Variants in DACH2 observed in about 807,000 individuals in gnomAD.
The protein encoded by DACH2 is dachshund homolog 2.
A neutral mutation model predicts 35.8 loss-of-function variants in DACH2; 17 were observed. That is an observed-to-expected ratio of 0.48 (90% CI 0.33 to 0.71). The LOEUF is 0.71. Ranked by LOEUF, DACH2 falls within the 30% of genes least tolerant of loss-of-function variation. The pLI is 0.02. For synonymous variants in DACH2, 195 were observed against 177.3 expected (o/e 1.10, Z -0.79); for missense variants, 469 against 472.7 (o/e 0.99, Z 0.07).
chrX:86,419,779 T>C (rs2036771740), intron 2 of DACH2, among the ~76,000 whole-genome samples: 1 of 111,923 alleles, frequency 8.9e-6, no homozygotes, highest in Non-Finnish European at 1.9e-5. Flanking sequence ...CTTTTGTAGG[T>C]AATGTCCTGA....
intron 4 of DACH2, among the ~76,000 whole-genome samples, chrX:86,654,187 T>TA (rs764775335): frequency 0.24 from 9,790 of 40,384 alleles, 2,286 homozygotes; most frequent in Non-Finnish European, 0.36. Context: ...ACATTTTTAG[T>TA]AAAAAAAAAA....
intron 3 of DACH2, among the ~76,000 whole-genome samples, chrX:86,557,280 A>T (rs1374448097): frequency 9.0e-6 from 1 of 111,472 alleles, no homozygotes; most frequent in Non-Finnish European, 1.9e-5. Context: ...TTTATCAGCT[A>T]TCTGTGTATT....
chrX:86,204,902 T>C (rs748043468), intron 1 of DACH2, among the ~76,000 whole-genome samples: 1 of 111,431 alleles, frequency 9.0e-6, no homozygotes, highest in African/African-American at 3.3e-5. Context: ...TTGGTTATAG[T>C]TTTGTCTCCC....
At chrX:86,417,454 G>T (rs1204034096) in intron 2 of DACH2, among the ~76,000 whole-genome samples, 1 of 111,755 alleles carries the variant, frequency 8.9e-6, no homozygotes, top group Non-Finnish European at 1.9e-5. Flanking sequence ...CACAATAATG[G>T]CAGAAGACAA....
chrX:86,630,515 A>G (rs1216934428), intron 3 of DACH2, among the ~76,000 whole-genome samples: 3 of 110,183 alleles, frequency 2.7e-5, no homozygotes, highest in African/African-American at 9.9e-5. Context: ...TTGGCCTGGG[A>G]AGTTTCTCAC....
chrX:86,267,985 C>T (rs1217311810), intron 1 of DACH2, among the ~76,000 whole-genome samples: 1 of 111,965 alleles, frequency 8.9e-6, no homozygotes, highest in Non-Finnish European at 1.9e-5. Context: ...AATTCTGACA[C>T]TATGTGCTAA....
At chrX:86,450,443 G>A (rs1175293483) in intron 2 of DACH2, among the ~76,000 whole-genome samples, 1 of 111,410 alleles carries the variant, frequency 9.0e-6, no homozygotes, top group African/African-American at 3.3e-5. Context: ...TGGTGCATAT[G>A]TAGCACATTT....
intron 1 of DACH2, among the ~76,000 whole-genome samples, chrX:86,372,290 A>C (rs2035899100): frequency 9.0e-6 from 1 of 110,981 alleles, no homozygotes; most frequent in Non-Finnish European, 1.9e-5. Flanking sequence ...TTTTAAGTAG[A>C]CAGATGATTT....
intron 2 of DACH2, among the ~76,000 whole-genome samples, chrX:86,507,140 A>C (rs1444655711): frequency 8.9e-6 from 1 of 111,762 alleles, no homozygotes; most frequent in Non-Finnish European, 1.9e-5. Flanking sequence ...CATAGAGACT[A>C]ATGCAGGCAG....
chrX:86,720,927 C>G (rs1481702588), intron 6 of DACH2, among the ~76,000 whole-genome samples: 1 of 112,667 alleles, frequency 8.9e-6, no homozygotes, highest in Non-Finnish European at 1.9e-5. Flanking sequence ...TTCTGCACAC[C>G]TGCAGGCCTA....
intron 1 of DACH2, among the ~76,000 whole-genome samples, chrX:86,349,621 T>A (rs2035559315): frequency 1.8e-5 from 2 of 112,359 alleles, no homozygotes; most frequent in Admixed American, 9.4e-5. Flanking sequence ...ATTAACGTAT[T>A]AACGTTGGTT....
intron 5 of DACH2, among the ~76,000 whole-genome samples, chrX:86,699,737 T>A (rs1260281017): frequency 8.9e-6 from 1 of 111,904 alleles, no homozygotes; most frequent in East Asian, 2.8e-4. Flanking sequence ...TTTTGTCTTC[T>A]GACATGTTTG....
intron 3 of DACH2, among the ~76,000 whole-genome samples, chrX:86,609,645 T>C (rs1302922764): frequency 1.8e-5 from 2 of 112,119 alleles, no homozygotes; most frequent in African/African-American, 6.5e-5. Context: ...TTGGGCTTTG[T>C]GATTTAAGTT....
intron 2 of DACH2, among the ~76,000 whole-genome samples, chrX:86,411,492 AAATGAAGACAAT>A (rs1348206013): frequency 4.7e-4 from 52 of 111,005 alleles, no homozygotes; most frequent in African/African-American, 1.7e-3. Flanking sequence ...CATAATCTTC[AAATGAAGACAAT>A]AATGAGGTCA....
At chrX:86,320,356 G>C (rs1198398025) in intron 1 of DACH2, among the ~76,000 whole-genome samples, 4 of 112,153 alleles carry the variant, frequency 3.6e-5, no homozygotes, top group African/African-American at 1.3e-4. Flanking sequence ...CCATTACAGA[G>C]AATGTAAACA....
intron 3 of DACH2, among the ~76,000 whole-genome samples, chrX:86,587,418 T>C (rs2039588203): frequency 9.0e-6 from 1 of 111,578 alleles, no homozygotes; most frequent in African/African-American, 3.2e-5. Flanking sequence ...TTCTTCTGCC[T>C]GATTGCTCTG....
intron 4 of DACH2, among the ~76,000 whole-genome samples, chrX:86,673,335 CAAAAAAAAAAAAA>C (rs56877612): frequency 1.9e-4 from 8 of 43,197 alleles, no homozygotes; most frequent in Non-Finnish European, 2.7e-4. Context: ...GACTCCGTCT[CAAAAAAAAAAAAA>C]AAAAAAAAAA....
At chrX:86,752,205 A>C (rs2041780889) in intron 7 of DACH2, among the ~76,000 whole-genome samples, 1 of 111,256 alleles carries the variant, frequency 9.0e-6, no homozygotes, top group South Asian at 3.8e-4. Context: ...TTAACCTATA[A>C]TAAAATTTGA....
chrX:86,372,275 C>A (rs2035898534), intron 1 of DACH2, among the ~76,000 whole-genome samples: 1 of 110,516 alleles, frequency 9.0e-6, no homozygotes, highest in African/African-American at 3.3e-5. Flanking sequence ...GTACATATGA[C>A]TTTTTTTTAA....
Sources: allele counts gnomAD v4.1 joint callset (sites outside exome capture counted in the v4.1 genomes callset), GRCh38; gene constraint gnomAD v4.1.1; transcripts MANE v1.5; gene names NCBI Gene and HGNC (gene_info 2026-07-23, HGNC 2026-07-21).